The following CRACDL variants were observed in gnomAD, a reference collection of about 807,000 sequenced individuals.
CRACDL encodes CRACD-like protein.
In CRACDL, 26 loss-of-function variants were observed where a neutral mutation model predicts 70.6. The ratio of observed to expected loss-of-function variants is 0.37; its 90% CI spans 0.27 to 0.51. CRACDL has a LOEUF of 0.51. Among genes scored for constraint, CRACDL ranks in the 20% least tolerant of loss-of-function variants. CRACDL has a pLI of 0.94. For missense variants in CRACDL, 1,283 were observed against 1,376.9 expected (o/e 0.93, Z 1.08); for synonymous variants, 618 against 615.2 (o/e 1.00, Z -0.07).
chr2:98,921,899 G>T (rs4311103), intron 1 of CRACDL, among the ~76,000 whole-genome samples: 1 of 151,860 alleles, frequency 6.6e-6, no homozygotes, highest in African/African-American at 2.4e-5. Flanking sequence ...CTCCCACCCA[G>T]GGCAACATTA....
intron 1 of CRACDL, among the ~76,000 whole-genome samples, chr2:98,922,928 G>A (rs1431730964): frequency 6.6e-6 from 1 of 152,152 alleles, no homozygotes; most frequent in African/African-American, 2.4e-5. Context: ...CAATAAAACT[G>A]AGCAGCAATT....
intron 6 of CRACDL, among the ~76,000 whole-genome samples, chr2:98,825,071 A>G (rs1341821159): frequency 6.6e-6 from 1 of 151,972 alleles, no homozygotes; most frequent in African/African-American, 2.4e-5. Context: ...GGAGCATCTG[A>G]AAGCACCTTG....
rs768636375 is a variant in CRACDL, at chr2:98,827,013, G to A, written c.697C>T (p.Arg233Cys). ...CTCATCTTACTCGACCGCTGGTTGC[G>A]GGGCTTGACCTGGAGCTTGTGCTTA... Reference protein sequence around the residue: ...AAKHKLQVKPRNQRSSKMRRL... With the variant: ...AAKHKLQVKPCNQRSSKMRRL... Residue 233 changes from arginine to cysteine, a missense_variant, in exon 6 of 10, where the codon CGC (arginine) becomes TGC (cysteine). Arg to Cys is a radical substitution (Grantham distance 180, BLOSUM62 -3). Coordinates refer to ENST00000397899, the MANE Select transcript of CRACDL (RefSeq NM_207362.3). 4.3e-6 allele frequency: 7 copies of A among 1,613,810 alleles called. No individual in the cohort carries two copies. The highest frequency in any genetic ancestry group is 1.7e-5 in the Admixed American group (1 of 60,000).
At position 98,822,497 on chromosome 2, in the gene CRACDL, T is replaced by C; in HGVS notation, c.1776A>G (p.Glu592=). ...RPRPGVSRPL[E]RASGRLPLAR... ...CGAGGGGCAGGCGGCCGCTGGCCCG[T>C]TCCAGCGGGCGGGAGACGCCCGGAC... The change falls in exon 7 of 10, where the codon GAA becomes GAG. Residue 592 remains glutamate (E), a synonymous_variant. Transcript: ENST00000397899. This position sits in a 1 kb window ranked among gnomAD's most constrained non-coding sequence, Gnocchi z 4.9. 1 of 1,459,064 alleles carries C rather than the reference T, an allele frequency of 6.9e-7. No individual in the cohort carries two copies. The highest frequency in any genetic ancestry group is 1.3e-5 in the South Asian group (1 of 76,286). 90.4% of individuals were successfully genotyped at this position (1,459,064 alleles called of 1,614,324 possible). A position where few individuals can be genotyped will look rare whatever the true frequency, so the allele number is the denominator to read the frequency against.
intron 1 of CRACDL, among the ~76,000 whole-genome samples, chr2:98,851,035 C>T (rs1275962346): frequency 5.3e-5 from 8 of 152,214 alleles, no homozygotes; most frequent in Admixed American, 2.6e-4. Context: ...CATCTGAGCA[C>T]ATAATTATGT....
At chr2:98,928,426 G>A (rs1330501478) in intron 1 of CRACDL, among the ~76,000 whole-genome samples, 1 of 152,176 alleles carries the variant, frequency 6.6e-6, no homozygotes, top group Non-Finnish European at 1.5e-5. Flanking sequence ...ACGTAACACT[G>A]TGGCCAAAGA....
chr2:98,859,005 C>T (rs554778429), intron 1 of CRACDL, among the ~76,000 whole-genome samples: 2 of 152,236 alleles, frequency 1.3e-5, no homozygotes, highest in Non-Finnish European at 2.9e-5. Context: ...AAACTTTCCA[C>T]AAAGAAGAAT....
In CRACDL at chr2:98,918,539, CAAAAAAAAA is replaced by C. The variant is rs58312556; in HGVS notation, c.-11+17390_-11+17398del. ...GGCGACAGAGCAAGATGTTGTCTAC[CAAAAAAAAA>C]AAAAAAAAAAAAAAAAAAGAGTTCC... On this transcript the variant is annotated intron_variant, in intron 1 of 9. Transcript: ENST00000397899. Among the ~76,000 whole-genome samples the C allele has an allele frequency of 1.4e-4, 9 of 66,346 alleles. No homozygotes were observed. The South Asian group carries it at 3.0e-3, about 22-fold the overall frequency. 43.5% of individuals were successfully genotyped at this position (66,346 alleles called of 152,430 possible).
chr2:98,881,656 TG>T (rs1330899114), intron 1 of CRACDL, among the ~76,000 whole-genome samples: 1 of 152,128 alleles, frequency 6.6e-6, no homozygotes, highest in African/African-American at 2.4e-5. Context: ...TGGGGCGCCA[TG>T]TATATGCAAA....
intron 1 of CRACDL, among the ~76,000 whole-genome samples, chr2:98,883,303 G>A (rs1255036702): frequency 6.6e-6 from 1 of 152,238 alleles, no homozygotes. Context: ...ACAGAGCTGG[G>A]AGGATGGAGG....
chr2:98,804,881 G>A (rs1704221728), intron 7 of CRACDL, among the ~76,000 whole-genome samples: 1 of 152,250 alleles, frequency 6.6e-6, no homozygotes, highest in South Asian at 2.1e-4. Flanking sequence ...TCCAGGAGCA[G>A]TGGCTCAGTA....
Position 98,906,685 on chromosome 2 carries a change from T to C in CRACDL, c.-11+29253A>G, listed in dbSNP as rs1007207052. Reference sequence around the variant, plus strand: ...TATTTGTGCACTCACTATGTTTGTATGGGTTGGTATTTATCGACCTTTTCT... The same window carrying C: ...TATTTGTGCACTCACTATGTTTGTACGGGTTGGTATTTATCGACCTTTTCT... On this transcript the variant is annotated intron_variant, in intron 1 of 9. Transcript: ENST00000397899. Among the ~76,000 whole-genome samples the C allele has an allele frequency of 2.6e-5, 4 of 152,330 alleles. No homozygotes were observed. In the South Asian group the frequency reaches 8.3e-4, roughly 32 times the overall value.
chr2:98,860,317 G>A (rs1558607328), intron 1 of CRACDL, among the ~76,000 whole-genome samples: 1 of 152,174 alleles, frequency 6.6e-6, no homozygotes, highest in Non-Finnish European at 1.5e-5. Flanking sequence ...ATGTGGAAAT[G>A]CAAGGGACCT....
At chr2:98,795,267 G>A (rs935150448) in intron 9 of CRACDL, among the ~76,000 whole-genome samples, 2 of 151,114 alleles carry the variant, frequency 1.3e-5, no homozygotes, top group African/African-American at 4.9e-5. Context: ...GTAGAGACGG[G>A]GTTTTGCCAT....
At chr2:98,894,110 C>T (rs1165516415) in intron 1 of CRACDL, among the ~76,000 whole-genome samples, 6 of 152,238 alleles carry the variant, frequency 3.9e-5, no homozygotes, top group Non-Finnish European at 2.9e-5. Context: ...TCCTCTTCCT[C>T]CGCCAGTGGC....
At chr2:98,934,766 T>C (rs1709167052) in intron 1 of CRACDL, among the ~76,000 whole-genome samples, 1 of 152,168 alleles carries the variant, frequency 6.6e-6, no homozygotes, top group East Asian at 1.9e-4. Context: ...GTCAGATAAA[T>C]GCCTTATTAC....
intron 7 of CRACDL, among the ~76,000 whole-genome samples, chr2:98,820,356 C>T (rs1412652984): frequency 6.6e-6 from 1 of 151,840 alleles, no homozygotes; most frequent in African/African-American, 2.4e-5. Context: ...ATGGTGAAAC[C>T]TCGTCTCTAC....
In CRACDL at chr2:98,822,971, A is replaced by G. The variant is rs1038329063; in HGVS notation, c.1302T>C (p.Ser434=). Residue 434 remains serine, a synonymous_variant, in exon 7 of 10, where the codon AGT becomes AGC. Coordinates refer to ENST00000397899, the MANE Select transcript of CRACDL (RefSeq NM_207362.3). This position sits in a 1 kb window ranked among gnomAD's most constrained non-coding sequence, Gnocchi z 4.9. The part of the protein sequence containing the change: ...APSARDGPER[S]VPKEAEPTPP... ...GCGTCGGCTCCGCTTCCTTCGGGAC[A>G]CTGCGTTCTGGCCCGTCGCGAGCAG... The G allele has an allele frequency of 2.7e-6, 4 of 1,483,076 alleles. No individual in the cohort carries two copies. Among genetic ancestry groups the G allele is most frequent in the Non-Finnish European group, 3.6e-6 (4 of 1,118,884 alleles). The allele number at this position is 1,483,076 out of a possible 1,614,324, so 91.9% of individuals were successfully genotyped here.
chr2:98,835,176 A>G (rs1397753257), intron 3 of CRACDL, among the ~76,000 whole-genome samples: 2 of 152,264 alleles, frequency 1.3e-5, no homozygotes, highest in African/African-American at 2.4e-5. Flanking sequence ...ATGTTGTTTT[A>G]TTAAACTTGA....
Sources: gnomAD v4.1 joint callset for allele counts (sites outside exome capture counted in the v4.1 genomes callset) on GRCh38, gnomAD v4.1.1 for gene constraint, Gnocchi (gnomAD v3.1) non-coding constraint, MANE v1.5 for transcripts, NCBI Gene and HGNC (gene_info 2026-07-23, HGNC 2026-07-21) for gene names.